SLC30A7: variants seen among roughly 807,000 people sequenced by gnomAD.
SLC30A7 encodes solute carrier family 30 member 7.
Under a neutral mutation model 46.0 loss-of-function variants are expected in SLC30A7, and 35 were observed. The ratio of observed to expected loss-of-function variants is 0.76; its 90% CI spans 0.58 to 1.01. SLC30A7 has a LOEUF of 1.01. Among genes scored for constraint, SLC30A7 ranks in the 50% least tolerant of loss-of-function variants. The probability of loss-of-function intolerance (pLI) is 0.00; values close to 1 mark genes in which losing one functional copy is unlikely to be tolerated. For missense variants in SLC30A7, 464 were observed against 451.1 expected (o/e 1.03, Z -0.26); for synonymous variants, 147 against 157.8 (o/e 0.93, Z 0.51).
the SLC30A7 span, chr1:100,990,344 C>G: frequency 1.4e-6 from 2 of 1,450,902 alleles, no homozygotes; most frequent in Admixed American, 3.4e-5. Context: ...GGTGGGGATA[C>G]ATCCAAACCA....
At chr1:100,923,614 C>T (rs1426520079) in intron 8 of SLC30A7, among the ~76,000 whole-genome samples, 1 of 151,918 alleles carries the variant, frequency 6.6e-6, no homozygotes, top group Non-Finnish European at 1.5e-5. Context: ...CATGTTTCTA[C>T]AAAAAATTTA....
At chr1:100,936,661 T>C (rs1183199755) in intron 8 of SLC30A7, among the ~76,000 whole-genome samples, 1 of 152,192 alleles carries the variant, frequency 6.6e-6, no homozygotes, top group African/African-American at 2.4e-5. Context: ...ACAGTCACAT[T>C]GTTGTGCTGC....
chr1:100,951,486 C>T (rs971947995), intron 8 of SLC30A7, among the ~76,000 whole-genome samples: 11 of 152,300 alleles, frequency 7.2e-5, no homozygotes, highest in Non-Finnish European at 1.5e-4. Flanking sequence ...CTCCAAGTCT[C>T]GTAGTTGAAG....
chr1:100,920,222 A>G (rs1235740200), intron 7 of SLC30A7, among the ~76,000 whole-genome samples: 2 of 151,980 alleles, frequency 1.3e-5, no homozygotes, highest in Non-Finnish European at 2.9e-5. Context: ...TTCTACCAAA[A>G]CACTGATTAA....
intron 8 of SLC30A7, among the ~76,000 whole-genome samples, chr1:100,946,670 T>C (rs1313502598): frequency 6.6e-6 from 1 of 152,238 alleles, no homozygotes; most frequent in Non-Finnish European, 1.5e-5. Context: ...TTTGATGTGC[T>C]GCTGGATTTG....
intron 8 of SLC30A7, among the ~76,000 whole-genome samples, chr1:100,933,925 T>G (rs1013883763): frequency 1.3e-5 from 2 of 152,278 alleles, no homozygotes; most frequent in African/African-American, 4.8e-5. Flanking sequence ...CTTCCATTTC[T>G]AAACTGTTTG....
chr1:100,988,666 C>T, the SLC30A7 span, among the ~76,000 whole-genome samples: 48 of 151,616 alleles, frequency 3.2e-4, no homozygotes, highest in Admixed American at 3.2e-3. Flanking sequence ...GCCAACATGG[C>T]GAAACCCCAT....
chr1:100,937,960 C>T (rs1371096984), intron 8 of SLC30A7, among the ~76,000 whole-genome samples: 1 of 152,102 alleles, frequency 6.6e-6, no homozygotes, highest in Non-Finnish European at 1.5e-5. Context: ...ATGTAAAAAT[C>T]CAGTTTTCCC....
intron 4 of SLC30A7, among the ~76,000 whole-genome samples, chr1:100,911,604 G>T (rs1247102082): frequency 3.9e-5 from 6 of 152,176 alleles, no homozygotes; most frequent in African/African-American, 1.4e-4. Flanking sequence ...AAGCTGGAGT[G>T]CAGTGGCGCG....
At chr1:100,939,606 G>A (rs1654216294) in intron 8 of SLC30A7, among the ~76,000 whole-genome samples, 2 of 151,870 alleles carry the variant, frequency 1.3e-5, no homozygotes, top group East Asian at 3.9e-4. Context: ...GGAGGCCAGG[G>A]TGGGCAGATC....
chr1:100,954,214 T>G (rs1370276857), intron 8 of SLC30A7, among the ~76,000 whole-genome samples: 2 of 152,176 alleles, frequency 1.3e-5, no homozygotes, highest in Admixed American at 1.3e-4. Context: ...ATAACTGTGA[T>G]GAGATACTGC....
intron 4 of SLC30A7, 85 bp downstream of exon 4, chr1:100,911,235 C>T (rs1652073136): frequency 1.1e-6 from 1 of 885,584 alleles, no homozygotes; most frequent in Middle Eastern, 3.5e-4. Context: ...AAGTTTTTTT[C>T]AACTATTATT....
At chr1:100,912,465 G>A (rs1652166870) in intron 5 of SLC30A7, among the ~76,000 whole-genome samples, 1 of 152,090 alleles carries the variant, frequency 6.6e-6, no homozygotes, top group African/African-American at 2.4e-5. Context: ...TATCTGTTTA[G>A]TGTGATATCA....
chr1:100,954,202 A>G (rs1655112042), intron 8 of SLC30A7, among the ~76,000 whole-genome samples: 1 of 152,228 alleles, frequency 6.6e-6, no homozygotes. Context: ...ACTCTAGAGA[A>G]CATAACTGTG....
rs1656780159 is a variant in SLC30A7 at position 100,979,434 on chromosome 1, T to A, written c.*4577T>A. 2.9e-5 allele frequency: 2 copies of A among 68,892 alleles called. No individual in the cohort carries two copies. Among genetic ancestry groups the A allele is most frequent in the African/African-American group, 5.3e-5 (1 of 18,714 alleles). 4.3% of individuals were successfully genotyped at this position (68,892 alleles called of 1,614,324 possible). On this transcript the variant is annotated 3_prime_UTR_variant, in exon 11 of 11. Transcript: ENST00000357650. ...CTCAAATACAGTGAAAGATTATGTA[T>A]CCAAAAAAAAAAAAAAAAAAAAAAG...
chr1:100,941,179 T>C, intron 8 of SLC30A7: 1 of 367,226 alleles, frequency 2.7e-6, no homozygotes, highest in South Asian at 2.5e-5. Flanking sequence ...CTGTTGTAAT[T>C]GCCAAGATCA....
At chr1:100,984,387 A>C (rs1334613184), downstream of SLC30A7, among the ~76,000 whole-genome samples, 1 of 152,212 alleles carries the variant, frequency 6.6e-6, no homozygotes, top group African/African-American at 2.4e-5. Flanking sequence ...GAGATTATGG[A>C]GTGGGAGGAA....
the SLC30A7 span, among the ~76,000 whole-genome samples, chr1:100,993,380 G>A: frequency 6.6e-6 from 1 of 150,808 alleles, no homozygotes; most frequent in Admixed American, 6.6e-5. Context: ...GTGAAACTCC[G>A]TCTCTACTAA....
At chr1:100,910,995 T>G in intron 3 of SLC30A7, 68 bp from the exon 4 acceptor site, 1 of 1,251,296 alleles carries the variant, frequency 8.0e-7, no homozygotes, top group Admixed American at 1.8e-5. Flanking sequence ...TCTGAATGTA[T>G]GTAATTTTAC....
Sources: allele counts gnomAD v4.1 joint callset (sites outside exome capture counted in the v4.1 genomes callset), GRCh38; gene constraint gnomAD v4.1.1; transcripts MANE v1.5; gene names NCBI Gene and HGNC (gene_info 2026-07-23, HGNC 2026-07-21).